ARHGEF38: variants seen among roughly 807,000 people sequenced by gnomAD.
The protein encoded by ARHGEF38 is Rho guanine nucleotide exchange factor (GEF) 38.
ARHGEF38 carries 79 observed loss-of-function variants against 79.9 expected under a neutral mutation model. The observed-to-expected ratio is 0.99, with a 90% CI of 0.82 to 1.19. The LOEUF (loss-of-function observed/expected upper bound fraction) is 1.19, where lower values mean the gene tolerates loss of function less well. Among genes scored for constraint, ARHGEF38 ranks in the 50% most tolerant of loss-of-function variants. ARHGEF38 has a pLI of 0.00. For missense variants in ARHGEF38, 962 were observed against 907.2 expected, an observed-to-expected ratio of 1.06 and a Z score of -0.78; for synonymous variants, 366 against 328.3, an observed-to-expected ratio of 1.11 and a Z score of -1.24.
chr4:105,672,376 A>G (rs1730984542), intron 13 of ARHGEF38, among the ~76,000 whole-genome samples: 1 of 152,210 alleles, frequency 6.6e-6, no homozygotes, highest in Admixed American at 6.5e-5. Context: ...CCCAAATTAT[A>G]TTCTGGAGCC....
chr4:105,575,013 TACACACAC>T (rs3056772), intron 1 of ARHGEF38, among the ~76,000 whole-genome samples: 7 of 149,406 alleles, frequency 4.7e-5, no homozygotes, highest in South Asian at 2.1e-4. Flanking sequence ...CACACATATA[TACACACAC>T]ACACACACAC....
At chr4:105,577,983 CT>C (rs1447061738) in intron 1 of ARHGEF38, among the ~76,000 whole-genome samples, 1 of 151,820 alleles carries the variant, frequency 6.6e-6, no homozygotes, top group Non-Finnish European at 1.5e-5. Context: ...TGAGTTTGTT[CT>C]TTTTTCTCTA....
chr4:105,618,208 G>A (rs908507591), intron 3 of ARHGEF38, among the ~76,000 whole-genome samples: 3 of 152,130 alleles, frequency 2.0e-5, no homozygotes, highest in Admixed American at 2.0e-4. Context: ...TAAATATTAT[G>A]GTTTACAAAT....
chr4:105,570,952 T>TATGAA (rs1726193977), intron 1 of ARHGEF38, among the ~76,000 whole-genome samples: 1 of 152,198 alleles, frequency 6.6e-6, no homozygotes, highest in Admixed American at 6.5e-5. Context: ...ACGCTACTTA[T>TATGAA]ATGAAGTACA....
Position 105,667,337 on chromosome 4 carries a change from TC to T in ARHGEF38, c.1888+14del. The T allele has an allele frequency of 6.5e-7, 1 of 1,535,464 alleles. No homozygotes were observed. The highest frequency in any genetic ancestry group is 8.7e-7 in the Non-Finnish European group (1 of 1,146,468). ...CTTGTGGACACAGGAAGTAAGTTTT[TC>T]CCCAGAACTACCACTCTTCTTTAAA... On this transcript the variant is annotated intron_variant, in intron 12 of 13. Transcript: ENST00000420470.
rs748913492 is a variant in ARHGEF38, at chr4:105,613,394, T to C, written c.395T>C (p.Leu132Pro). 6.2e-7 allele frequency: 1 copy of C among 1,613,038 alleles called. No individual in the cohort carries two copies. Among genetic ancestry groups the C allele is most frequent in the South Asian group, 1.1e-5 (1 of 90,922 alleles). Residue 132 changes from leucine to proline, a missense_variant, in exon 3 of 14, where the codon CTG becomes CCG. Transcript: ENST00000420470. ...QPLRNKKTDR[L>P]DVDSLFSNIE... Reference sequence around the variant, plus strand: ...TTTTTGTTTCTTCAGACTGATAGGCTGGATGTGGATAGCTTGTTTAGCAAC... The same window carrying C: ...TTTTTGTTTCTTCAGACTGATAGGCCGGATGTGGATAGCTTGTTTAGCAAC...
chr4:105,637,600 TC>T (rs1323560114), intron 5 of ARHGEF38, among the ~76,000 whole-genome samples: 1 of 152,246 alleles, frequency 6.6e-6, no homozygotes, highest in Non-Finnish European at 1.5e-5. Context: ...ACAGCCTGTG[TC>T]CCTGGCATTG....
chr4:105,629,327 C>G (rs568293303), intron 3 of ARHGEF38, among the ~76,000 whole-genome samples: 1 of 152,232 alleles, frequency 6.6e-6, no homozygotes, highest in African/African-American at 2.4e-5. Context: ...CACCTCTAGA[C>G]AGGACTTCGG....
chr4:105,612,413 C>A (rs1728331215), intron 2 of ARHGEF38, among the ~76,000 whole-genome samples: 1 of 152,062 alleles, frequency 6.6e-6, no homozygotes, highest in African/African-American at 2.4e-5. Flanking sequence ...TTGTGCTACT[C>A]CTCCATGAAT....
At chr4:105,569,450 C>T (rs1003192794) in intron 1 of ARHGEF38, among the ~76,000 whole-genome samples, 14 of 152,136 alleles carry the variant, frequency 9.2e-5, no homozygotes, top group African/African-American at 3.4e-4. Flanking sequence ...GCCCTTGGAA[C>T]ATTTCCAAGG....
At chr4:105,611,088 A>G (rs949751260) in intron 2 of ARHGEF38, among the ~76,000 whole-genome samples, 1 of 152,112 alleles carries the variant, frequency 6.6e-6, no homozygotes, top group African/African-American at 2.4e-5. Context: ...TATTTTCTGT[A>G]TCTTCAAGAT....
At chr4:105,572,060 G>A (rs1051231882) in intron 1 of ARHGEF38, among the ~76,000 whole-genome samples, 2 of 152,088 alleles carry the variant, frequency 1.3e-5, no homozygotes, top group Admixed American at 1.3e-4. Flanking sequence ...CAGTTATGCT[G>A]TTTACTCTAT....
chr4:105,614,006 T>C (rs576427446), intron 3 of ARHGEF38, among the ~76,000 whole-genome samples: 68 of 152,258 alleles, frequency 4.5e-4, no homozygotes, highest in East Asian at 3.9e-3. Flanking sequence ...TCTTTTTTTC[T>C]GTATTATTTA....
At chr4:105,674,322 A>G (rs1171073315) in intron 13 of ARHGEF38, among the ~76,000 whole-genome samples, 1 of 152,194 alleles carries the variant, frequency 6.6e-6, no homozygotes, top group East Asian at 1.9e-4. Flanking sequence ...TCAATAAAAT[A>G]CATTTTAAAA....
At chr4:105,567,114 C>A (rs1197394780) in intron 1 of ARHGEF38, among the ~76,000 whole-genome samples, 2 of 152,142 alleles carry the variant, frequency 1.3e-5, no homozygotes, top group South Asian at 2.1e-4. Context: ...TGAGAACATG[C>A]AAAGTTTGTC....
intron 5 of ARHGEF38, among the ~76,000 whole-genome samples, chr4:105,638,769 G>A (rs1729502517): frequency 6.6e-6 from 1 of 151,942 alleles, no homozygotes; most frequent in Non-Finnish European, 1.5e-5. Context: ...ATCTTTCCAT[G>A]TCAGTAAATA....
intron 1 of ARHGEF38, among the ~76,000 whole-genome samples, chr4:105,582,109 G>A: frequency 7.1e-6 from 1 of 140,546 alleles, no homozygotes. Context: ...AGGTTACAGT[G>A]AGCCAAAATC....
In ARHGEF38 at chr4:105,559,526, CAT is replaced by C. The variant is rs549417338; in HGVS notation, c.196+6566_196+6567del. On this transcript the variant is annotated intron_variant, in intron 1 of 13. Coordinates refer to ENST00000420470, the MANE Select transcript of ARHGEF38 (RefSeq NM_001242729.2). Reference sequence around the variant, plus strand: ...AGATTAGGTAGGAGTGCGTGTGTCCCATGGTCCCCTGCCAAATTTTGGCATAA... The same window carrying C: ...AGATTAGGTAGGAGTGCGTGTGTCCCGGTCCCCTGCCAAATTTTGGCATAA... Among the ~76,000 whole-genome samples the C allele has an allele frequency of 4.1e-3, 623 of 152,224 alleles. 2 individuals carry two copies. The highest frequency in any genetic ancestry group is 0.02 in the Middle Eastern group (6 of 294).
chr4:105,623,497 TA>T (rs1172999644), intron 3 of ARHGEF38, among the ~76,000 whole-genome samples: 1 of 151,908 alleles, frequency 6.6e-6, no homozygotes, highest in Non-Finnish European at 1.5e-5. Flanking sequence ...AACCTTACAT[TA>T]AAAAAAAGTT....
Sources: gnomAD v4.1 joint callset for allele counts (sites outside exome capture counted in the v4.1 genomes callset) on GRCh38, gnomAD v4.1.1 for gene constraint, MANE v1.5 for transcripts, NCBI Gene and HGNC (gene_info 2026-07-23, HGNC 2026-07-21) for gene names.